Variants in TLN2 observed in about 807,000 individuals in gnomAD.
TLN2 encodes talin 2.
A neutral mutation model predicts 294.7 loss-of-function variants in TLN2; 118 were observed. That is an observed-to-expected ratio of 0.40 (90% confidence interval 0.34 to 0.47). TLN2 has a LOEUF of 0.47. TLN2 is among the 20% of genes least tolerant of loss of function. The pLI is 0.84. For missense variants in TLN2, 3,083 were observed against 3,282.2 expected, an observed-to-expected ratio of 0.94 and a Z score of 1.48; for synonymous variants, 1,431 against 1,304.5, an observed-to-expected ratio of 1.10 and a Z score of -2.09.
rs549159361 is a variant in TLN2 at position 62,736,914 on chromosome 15, C to T, written c.3395C>T (p.Thr1132Ile). The part of the protein sequence containing the change: ...AARETAQALK[T>I]LAQAARGVAA... ...AGAGAGACGGCCCAAGCTCTGAAAA[C>T]ACTGGCCCAGGCCGCCCGTGGAGTG... The change falls in exon 29 of 59, where the codon ACA becomes ATA. Residue 1132 changes from threonine to isoleucine, a missense_variant. By Grantham distance (89) the Thr-to-Ile change is moderately conservative (BLOSUM62 -1). Transcript: ENST00000636159. 1.5e-5 allele frequency: 24 copies of T among 1,614,194 alleles called. No homozygotes were observed. In the African/African-American group the frequency reaches 2.0e-4, roughly 13 times the overall value.
chr15:62,626,766 A>C (rs1388499768), intron 3 of TLN2, among the ~76,000 whole-genome samples: 1 of 152,168 alleles, frequency 6.6e-6, no homozygotes, highest in Non-Finnish European at 1.5e-5. Context: ...ATTTATTGCT[A>C]CTTGGGAGGC....
At chr15:62,610,153 A>G (rs1342077224) in intron 2 of TLN2, among the ~76,000 whole-genome samples, 1 of 152,232 alleles carries the variant, frequency 6.6e-6, no homozygotes, top group East Asian at 1.9e-4. Context: ...AGCACTAAGT[A>G]TGCTCTTTGC....
chr15:62,753,615 T>C (rs1370358978), intron 35 of TLN2, among the ~76,000 whole-genome samples, 158 bp from the exon 36 acceptor site: 3 of 152,236 alleles, frequency 2.0e-5, no homozygotes, highest in Admixed American at 6.5e-5. Context: ...CTGTTCATTA[T>C]TACACCCTTA....
At chr15:62,557,658 C>T (rs1567095612) in intron 1 of TLN2, among the ~76,000 whole-genome samples, 1 of 152,190 alleles carries the variant, frequency 6.6e-6, no homozygotes, top group African/African-American at 2.4e-5. Flanking sequence ...TCTCCTCCCT[C>T]AGCCTCCCGA....
intron 1 of TLN2, among the ~76,000 whole-genome samples, chr15:62,581,736 G>C (rs532603006): frequency 1.3e-5 from 2 of 152,214 alleles, no homozygotes; most frequent in African/African-American, 4.8e-5. Context: ...ACAGACCCCA[G>C]GTTTGTAGCA....
At chr15:62,796,799 C>T (rs2065515915) in intron 47 of TLN2, among the ~76,000 whole-genome samples, 1 of 152,226 alleles carries the variant, frequency 6.6e-6, no homozygotes, top group Admixed American at 6.5e-5. Flanking sequence ...GTTCCCAGAG[C>T]TCTGCTGTCC....
rs2055781528 is a variant in TLN2 at position 62,673,709 on chromosome 15, C to G, written c.789-118C>G. On this transcript the variant is annotated intron_variant, in intron 9 of 58. Coordinates refer to ENST00000636159, the MANE Select transcript of TLN2 (RefSeq NM_015059.3). ...GGATATAGCAGTCTGTTATTAATTA[C>G]TCTATAAAATATTGGGAGACTTAGT... is the stretch of plus-strand genomic sequence containing the variant. 7.2e-6 allele frequency: 5 copies of G among 695,112 alleles called. No homozygotes were observed. The South Asian group carries it at 7.6e-5, about 11-fold the overall frequency. The allele number at this position is 695,112 out of a possible 1,614,324, so 43.1% of individuals were successfully genotyped here.
intron 20 of TLN2, among the ~76,000 whole-genome samples, chr15:62,707,598 C>G (rs990066593): frequency 5.3e-5 from 8 of 152,158 alleles, no homozygotes; most frequent in African/African-American, 1.9e-4. Flanking sequence ...CAGAAATAAT[C>G]CACAGAGTTT....
chr15:62,489,351 C>A (rs952357505), intron 1 of TLN2, among the ~76,000 whole-genome samples: 1 of 152,164 alleles, frequency 6.6e-6, no homozygotes, highest in Non-Finnish European at 1.5e-5. Context: ...TCTCAAACAG[C>A]CTAAGCACAT....
chr15:62,514,415 CAA>C (rs1467450748), intron 1 of TLN2, among the ~76,000 whole-genome samples: 1 of 152,160 alleles, frequency 6.6e-6, no homozygotes, highest in Non-Finnish European at 1.5e-5. Context: ...ATGTTGGGAA[CAA>C]AGTTTTAATA....
chr15:62,431,867 T>C (rs1462065388), intron 1 of TLN2, among the ~76,000 whole-genome samples: 1 of 152,218 alleles, frequency 6.6e-6, no homozygotes, highest in African/African-American at 2.4e-5. Context: ...GGATTTCATC[T>C]CTATTGGAAC....
intron 51 of TLN2, among the ~76,000 whole-genome samples, chr15:62,807,626 T>G (rs1020747076): frequency 6.6e-6 from 1 of 152,182 alleles, no homozygotes; most frequent in Non-Finnish European, 1.5e-5. Context: ...GCTCAGATGT[T>G]TAAGTCTCTC....
chr15:62,570,585 A>G (rs565560299), intron 1 of TLN2, among the ~76,000 whole-genome samples: 2 of 151,878 alleles, frequency 1.3e-5, no homozygotes, highest in East Asian at 3.9e-4. Context: ...AAGTCTGAAT[A>G]TTCTCTTTTC....
chr15:62,411,684 T>G (rs985822026), intron 1 of TLN2, among the ~76,000 whole-genome samples: 4 of 152,134 alleles, frequency 2.6e-5, no homozygotes, highest in Non-Finnish European at 5.9e-5. Context: ...AATGATGCCT[T>G]TAGTCTTCTC....
intron 3 of TLN2, among the ~76,000 whole-genome samples, chr15:62,641,139 G>C (rs145111006): frequency 6.8e-4 from 104 of 152,190 alleles, no homozygotes; most frequent in African/African-American, 2.5e-3. Context: ...GGGCTAACTA[G>C]AAGGTGAGCT....
rs34815657 is a variant in TLN2 at position 62,770,942 on chromosome 15, CTTTTTTT to C, written c.5197-12_5197-6del. On this transcript the variant is annotated splice_polypyrimidine_tract_variant and intron_variant, in intron 41 of 58. Transcript: ENST00000636159. The stretch of plus-strand genomic sequence containing the variant: ...GTGTATTTACATGATACATCTCTGG[CTTTTTTT>C]TTTTTTTTTGAAAGGTGACACAACT... The C allele has an allele frequency of 1.3e-5, 19 of 1,463,056 alleles. No individual in the cohort carries two copies. The highest frequency in any genetic ancestry group is 2.2e-5 in the Admixed American group (1 of 46,314). 90.6% of individuals were successfully genotyped at this position (1,463,056 alleles called of 1,614,324 possible). A position where few individuals can be genotyped will look rare whatever the true frequency, so the allele number is the denominator to read the frequency against.
intron 37 of TLN2, among the ~76,000 whole-genome samples, 182 bp from the exon 38 acceptor site, chr15:62,761,499 C>T (rs898496065): frequency 5.3e-5 from 8 of 152,156 alleles, no homozygotes; most frequent in Non-Finnish European, 1.2e-4. Context: ...CAACATCTAA[C>T]TGGGCCCCTC....
intron 1 of TLN2, among the ~76,000 whole-genome samples, chr15:62,560,876 C>T (rs372060797): frequency 4.6e-5 from 7 of 152,176 alleles, no homozygotes; most frequent in Non-Finnish European, 4.4e-5. Context: ...GAACTGCAAC[C>T]GAGGCAGCTG....
chr15:62,809,887 T>C (rs570987164), intron 51 of TLN2, 38 bp from the exon 52 acceptor site: 2 of 1,602,410 alleles, frequency 1.2e-6, no homozygotes, highest in African/African-American at 1.3e-5. Context: ...TGCTGGCTTT[T>C]CCCATGTTAA....
Sources: gnomAD v4.1 joint callset for allele counts (sites outside exome capture counted in the v4.1 genomes callset) on GRCh38, gnomAD v4.1.1 for gene constraint, MANE v1.5 for transcripts, NCBI Gene and HGNC (gene_info 2026-07-23, HGNC 2026-07-21) for gene names.